Variants in ZC3H14 observed in about 807,000 individuals in gnomAD.
ZC3H14 encodes zinc finger CCCH domain-containing protein 14.
In ZC3H14, 31 loss-of-function variants were observed where a neutral mutation model predicts 92.4. The observed-to-expected ratio is 0.34, with a 90% confidence interval of 0.25 to 0.45. The LOEUF (loss-of-function observed/expected upper bound fraction) is 0.45. ZC3H14 is among the 20% of genes least tolerant of loss of function. The pLI, the probability that ZC3H14 is intolerant of heterozygous loss-of-function variation, is 1.00. For missense variants in ZC3H14, 781 were observed against 897.3 expected (o/e 0.87, Z 1.66); for synonymous variants, 321 against 300.9 (o/e 1.07, Z -0.69).
At chr14:88,608,920 T>C (rs1005221130) in intron 13 of ZC3H14, 1 of 285,888 alleles carries the variant, frequency 3.5e-6, no homozygotes, top group African/African-American at 2.3e-5. Context: ...ATGAGTCTTT[T>C]TGTATCACAA....
chr14:88,601,239 C>G (rs1209813679), intron 10 of ZC3H14, among the ~76,000 whole-genome samples: 1 of 152,108 alleles, frequency 6.6e-6, no homozygotes, highest in African/African-American at 2.4e-5. Flanking sequence ...AAATTTTGGT[C>G]TCTAAGCTTT....
chr14:88,592,795 C>T (rs1485311409), intron 9 of ZC3H14, among the ~76,000 whole-genome samples: 2 of 152,072 alleles, frequency 1.3e-5, no homozygotes, highest in Non-Finnish European at 2.9e-5. Context: ...GCCTCTGTGC[C>T]AGGCCAGGAT....
rs755245411 is a variant in ZC3H14 at position 88,626,884 on chromosome 14, A to G, written c.*15133A>G. The G allele has an allele frequency of 6.2e-7, 1 of 1,613,906 alleles. No homozygotes were observed. Among genetic ancestry groups the G allele is most frequent in the African/African-American group, 1.3e-5 (1 of 74,942 alleles). On this transcript the variant is annotated 3_prime_UTR_variant, in exon 17 of 17. Coordinates refer to ENST00000251038, the MANE Select transcript of ZC3H14 (RefSeq NM_024824.5). ...CATGGTCTGCATCCGGGCATCTTCC[A>G]GTGTGCTCAGTAGCCCTTTTTTGCT...
In ZC3H14 at chr14:88,572,151, T is replaced by C. The variant is rs752699787; in HGVS notation, c.357T>C (p.Ile119=). ...RHEAAVPPLA[I]PSARPEKRDS... Reference sequence around the variant, plus strand: ...AAGCTGCAGTGCCACCACTTGCCATTCCTAGCGCGAGACCTGAAAAAAGAG... The same window carrying C: ...AAGCTGCAGTGCCACCACTTGCCATCCCTAGCGCGAGACCTGAAAAAAGAG... The change falls in exon 5 of 17, where the codon ATT becomes ATC. Residue 119 remains isoleucine (I), a synonymous_variant. Coordinates refer to ENST00000251038, the MANE Select transcript of ZC3H14 (RefSeq NM_024824.5). The C allele has an allele frequency of 6.2e-6, 10 of 1,614,124 alleles. No homozygotes were observed. In the South Asian group the frequency reaches 9.9e-5, roughly 16 times the overall value.
intron 10 of ZC3H14, among the ~76,000 whole-genome samples, chr14:88,599,547 G>A (rs564652625): frequency 3.3e-5 from 5 of 152,220 alleles, no homozygotes; most frequent in South Asian, 2.1e-4. Flanking sequence ...GGGAGGGACC[G>A]GTGCACGCTT....
Position 88,563,273 on chromosome 14 carries a change from T to C in ZC3H14, c.36+104T>C, listed in dbSNP as rs1595443058. 1.6e-5 allele frequency: 25 copies of C among 1,539,242 alleles called. No homozygotes were observed. The Admixed American group carries it at 2.7e-4, about 17-fold the overall frequency. Reference sequence around the variant, plus strand: ...CCCGGGTGGACGCCGCGGCCTGGCCTCCGCTGGACGCTCCTGGCGGGCTGC... The same window carrying C: ...CCCGGGTGGACGCCGCGGCCTGGCCCCCGCTGGACGCTCCTGGCGGGCTGC... On this transcript the variant is annotated intron_variant, in intron 1 of 16. Coordinates refer to ENST00000251038, the MANE Select transcript of ZC3H14 (RefSeq NM_024824.5).
At chr14:88,570,297 G>A (rs2080224280) in intron 3 of ZC3H14, among the ~76,000 whole-genome samples, 1 of 152,116 alleles carries the variant, frequency 6.6e-6, no homozygotes, top group Non-Finnish European at 1.5e-5. Context: ...TGTGACTAGG[G>A]TTCTCATTGA....
Position 88,618,231 on chromosome 14 carries a change from G to C in ZC3H14, c.*6480G>C. 1 of 1,613,304 alleles carries C rather than the reference G, an allele frequency of 6.2e-7. No homozygotes were observed. The highest frequency in any genetic ancestry group is 2.2e-5 in the East Asian group (1 of 44,852). On this transcript the variant is annotated 3_prime_UTR_variant, in exon 17 of 17. Coordinates refer to ENST00000251038, the MANE Select transcript of ZC3H14 (RefSeq NM_024824.5). Reference sequence around the variant, plus strand: ...TTGTGAATATATAAGTATTTACCTAGTCCATGTAGCCCAAGTAATTCTGTC... The same window carrying C: ...TTGTGAATATATAAGTATTTACCTACTCCATGTAGCCCAAGTAATTCTGTC...
chr14:88,572,199 G>C lies in ZC3H14; in HGVS notation c.405G>C (p.Ser135=). Residue 135 remains serine (S), a synonymous_variant, in exon 5 of 17, where the codon TCG becomes TCC. Coordinates refer to ENST00000251038, the MANE Select transcript of ZC3H14 (RefSeq NM_024824.5). ...GAGATTCCAGAGTTTCTACAAGTTC[G>C]CAGGAGTCAAAAACCACAAATGTCA... is the stretch of plus-strand genomic sequence containing the variant. ...EKRDSRVSTS[S]QESKTTNVRQ... 1 of 1,614,068 alleles carries C rather than the reference G, an allele frequency of 6.2e-7. No homozygotes were observed. The highest frequency in any genetic ancestry group is 1.1e-5 in the South Asian group (1 of 91,078).
chr14:88,616,876 A>C lies in ZC3H14; in HGVS notation c.*5125A>C, dbSNP rs543868251. The C allele has an allele frequency of 3.0e-5, 48 of 1,613,320 alleles. No homozygotes were observed. Among genetic ancestry groups the C allele is most frequent in the Non-Finnish European group, 4.1e-5 (48 of 1,179,642 alleles). ...AGATTCCCAAAACCTCATCTCCTAG[A>C]ATACTAGAGGGAAGGAACAAAAGAA... On this transcript the variant is annotated 3_prime_UTR_variant, in exon 17 of 17. Transcript: ENST00000251038.
chr14:88,596,847 T>G, intron 10 of ZC3H14, 39 bp downstream of exon 10: 1 of 1,549,174 alleles, frequency 6.5e-7, no homozygotes, highest in Non-Finnish European at 8.9e-7. Flanking sequence ...TCCAGCCATT[T>G]CAGTTGCCAT....
rs186697062 is a variant in ZC3H14 at position 88,611,884 on chromosome 14, A to G, written c.*133A>G. 566 of 1,250,510 alleles carry G rather than the reference A, an allele frequency of 4.5e-4. 5 individuals carry two copies. In the African/African-American group the frequency reaches 6.1e-3, roughly 13 times the overall value. The allele number at this position is 1,250,510 out of a possible 1,614,324, so 77.5% of individuals were successfully genotyped here. The stretch of plus-strand genomic sequence containing the variant: ...TTCATAATATGAAGTTTTATTGCCT[A>G]TCTATCTGAAGTGTCTAATTTTTCA... On this transcript the variant is annotated 3_prime_UTR_variant, in exon 17 of 17. Coordinates refer to ENST00000251038, the MANE Select transcript of ZC3H14 (RefSeq NM_024824.5).
Position 88,572,195 on chromosome 14 carries a change from G to A in ZC3H14, c.401G>A (p.Ser134Asn). 4.3e-6 allele frequency: 7 copies of A among 1,614,148 alleles called. No homozygotes were observed. Among genetic ancestry groups the A allele is most frequent in the Non-Finnish European group, 5.9e-6 (7 of 1,180,042 alleles). The change falls in exon 5 of 17, where the codon AGT (serine) becomes AAT (asparagine). Residue 134 changes from serine to asparagine, a missense_variant. Coordinates refer to ENST00000251038, the MANE Select transcript of ZC3H14 (RefSeq NM_024824.5). ...PEKRDSRVST[S>N]SQESKTTNVR... The stretch of plus-strand genomic sequence containing the variant: ...AAAAGAGATTCCAGAGTTTCTACAA[G>A]TTCGCAGGAGTCAAAAACCACAAAT...
At chr14:88,567,897 G>A (rs1184377478) in intron 2 of ZC3H14, 142 bp from the exon 3 acceptor site, 1 of 722,868 alleles carries the variant, frequency 1.4e-6, no homozygotes, top group South Asian at 1.5e-5. Context: ...AAAAATTAAA[G>A]CTAAGCCATC....
chr14:88,626,031 T>C lies in ZC3H14; in HGVS notation c.*14280T>C, dbSNP rs1017085722. On this transcript the variant is annotated 3_prime_UTR_variant, in exon 17 of 17. Transcript: ENST00000251038. ...AACACCCTTCTGTCAGGGCCAGGAA[T>C]TGTGCTATTTCCTTCTGTCTCACTA... 1 of 152,184 alleles carries C rather than the reference T, an allele frequency of 6.6e-6. No homozygotes were observed. The highest frequency in any genetic ancestry group is 2.4e-5 in the African/African-American group (1 of 41,446). The allele number at this position is 152,184 out of a possible 1,614,324, so 9.4% of individuals were successfully genotyped here. A position where few individuals can be genotyped will look rare whatever the true frequency, so the allele number is the denominator to read the frequency against.
intron 10 of ZC3H14, among the ~76,000 whole-genome samples, chr14:88,597,832 T>C (rs184196517): frequency 0.011 from 1,646 of 152,336 alleles, 21 homozygotes; most frequent in Non-Finnish European, 0.018. Flanking sequence ...GCATGTTTTC[T>C]CTTCTGCCTC....
rs1251664711 is a variant in ZC3H14 at position 88,614,635 on chromosome 14, ACATAATTTTCAATCTT to A, written c.*2887_*2902del. ...AAAATATATTTTTAAATAGCAGTCT[ACATAATTTTCAATCTT>A]CAGGAAACTACAGATAGGCTAGACA... is the stretch of plus-strand genomic sequence containing the variant. On this transcript the variant is annotated 3_prime_UTR_variant, in exon 17 of 17. Coordinates refer to ENST00000251038, the MANE Select transcript of ZC3H14 (RefSeq NM_024824.5). 6.6e-6 allele frequency: 1 copy of A among 152,222 alleles called. No homozygotes were observed. The highest frequency in any genetic ancestry group is 2.4e-5 in the African/African-American group (1 of 41,462). The allele number at this position is 152,222 out of a possible 1,614,324, so 9.4% of individuals were successfully genotyped here.
rs1190578190 is a variant in ZC3H14 at position 88,621,029 on chromosome 14, GTTCT to G, written c.*9281_*9284del. On this transcript the variant is annotated 3_prime_UTR_variant, in exon 17 of 17. Transcript: ENST00000251038. ...CAAAATGCTCAACAGAATTCTGGCA[GTTCT>G]TTAAGTACTAGCAATTTAGAACTTC... 4.0e-6 allele frequency: 6 copies of G among 1,485,454 alleles called. No individual in the cohort carries two copies. In the East Asian group the frequency reaches 7.4e-5, roughly 18 times the overall value. 92.0% of individuals were successfully genotyped at this position (1,485,454 alleles called of 1,614,324 possible). A position where few individuals can be genotyped will look rare whatever the true frequency, so the allele number is the denominator to read the frequency against.
In ZC3H14 at chr14:88,572,908, A is replaced by G. The variant is rs758907488; in HGVS notation, c.762A>G (p.Val254=). Reference sequence around the variant, plus strand: ...AGCTTGATATGCAGAGTAGTTGGGTATATGAAACAGGACGTTTGTGTGAAC... The same window carrying G: ...AGCTTGATATGCAGAGTAGTTGGGTGTATGAAACAGGACGTTTGTGTGAAC... ...AKQLDMQSSW[V]YETGRLCEPE... The change falls in exon 6 of 17, where the codon GTA becomes GTG. Residue 254 remains valine (V), a synonymous_variant. Coordinates refer to ENST00000251038, the MANE Select transcript of ZC3H14 (RefSeq NM_024824.5). The G allele has an allele frequency of 4.3e-6, 7 of 1,614,096 alleles. No individual in the cohort carries two copies. Among genetic ancestry groups the G allele is most frequent in the Admixed American group, 3.3e-5 (2 of 60,002 alleles).
Sources: gnomAD v4.1 joint callset for allele counts (sites outside exome capture counted in the v4.1 genomes callset) on GRCh38, gnomAD v4.1.1 for gene constraint, MANE v1.5 for transcripts, NCBI Gene and HGNC (gene_info 2026-07-23, HGNC 2026-07-21) for gene names.